GALM: variants seen among roughly 807,000 people sequenced by gnomAD.
GALM encodes aldose 1-epimerase.
In GALM, 43 loss-of-function variants were observed where a neutral mutation model predicts 37.4. That is an observed-to-expected ratio of 1.15 (90% CI 0.90 to 1.48). The LOEUF is 1.48. Among genes scored for constraint, GALM ranks in the 40% most tolerant of loss-of-function variants. The probability of loss-of-function intolerance (pLI) is 0.00; values close to 1 mark genes in which losing one functional copy is unlikely to be tolerated. For synonymous variants in GALM, 199 were observed against 170.6 expected (o/e 1.17, Z -1.30); for missense variants, 456 against 419.1 (o/e 1.09, Z -0.77).
chr2:38,708,467 C>G (rs993024016), intron 4 of GALM, among the ~76,000 whole-genome samples: 2 of 151,932 alleles, frequency 1.3e-5, no homozygotes, highest in Non-Finnish European at 2.9e-5. Flanking sequence ...GTCGCCTGGG[C>G]ACAGTGGCTC....
At chr2:38,695,362 C>T (rs10200935) in intron 4 of GALM, among the ~76,000 whole-genome samples, 145,019 of 152,314 alleles carry the variant, frequency 0.95, 69,102 homozygotes, top group East Asian at 1. Flanking sequence ...CTTACAGACA[C>T]AGTTAAAGAA....
intron 2 of GALM, among the ~76,000 whole-genome samples, chr2:38,680,365 T>G (rs1665367653): frequency 6.6e-6 from 1 of 152,202 alleles, no homozygotes; most frequent in Non-Finnish European, 1.5e-5. Flanking sequence ...ATACTTTTTT[T>G]TGCCAGTCTT....
At chr2:38,694,918 A>T (rs960961973) in intron 4 of GALM, among the ~76,000 whole-genome samples, 1 of 151,310 alleles carries the variant, frequency 6.6e-6, no homozygotes, top group Non-Finnish European at 1.5e-5. Flanking sequence ...AAAAACAAAA[A>T]AAGAAAGGGA....
At chr2:38,684,428 T>C (rs1189033986) in intron 3 of GALM, among the ~76,000 whole-genome samples, 1 of 151,980 alleles carries the variant, frequency 6.6e-6, no homozygotes, top group Non-Finnish European at 1.5e-5. Flanking sequence ...ATCCCAGCAC[T>C]TTGGAAGGCC....
chr2:38,686,324 G>A (rs1425418509), intron 3 of GALM, among the ~76,000 whole-genome samples: 1 of 137,742 alleles, frequency 7.3e-6, no homozygotes, highest in Non-Finnish European at 1.6e-5. Context: ...GGAGTGCAGT[G>A]GCGCGATCTT....
At chr2:38,719,831 C>T (rs533421207) in intron 4 of GALM, among the ~76,000 whole-genome samples, 1 of 151,530 alleles carries the variant, frequency 6.6e-6, no homozygotes, top group South Asian at 2.1e-4. Context: ...TTTAGTGACC[C>T]CCGAGGCTGA....
chr2:38,704,377 A>T (rs1558589271), intron 4 of GALM, among the ~76,000 whole-genome samples: 2 of 151,652 alleles, frequency 1.3e-5, no homozygotes, highest in African/African-American at 2.4e-5. Context: ...TTTAAAAAAT[A>T]TTTTTTTTGA....
chr2:38,702,932 T>TTA (rs202010853), intron 4 of GALM, among the ~76,000 whole-genome samples: 16,978 of 134,740 alleles, frequency 0.13, 1,194 homozygotes, highest in East Asian at 0.19. Flanking sequence ...TATATACTTT[T>TTA]TATATATATA....
rs373233987 is a variant in GALM at position 38,731,786 on chromosome 2, C to A, written c.828C>A (p.Pro276=). The change falls in exon 6 of 7, where the codon CCC becomes CCA. Residue 276 remains proline, a synonymous_variant. Coordinates refer to ENST00000272252, the MANE Select transcript of GALM (RefSeq NM_138801.3). The part of the protein sequence containing the change: ...GRVLEVYTTQ[P]GVQFYTGNFL... ...TACTAGAAGTATACACCACCCAGCCCGGGGTCCAGTTTTACACGGGCAACT... is the reference window on the plus strand; with the variant it reads ...TACTAGAAGTATACACCACCCAGCCAGGGGTCCAGTTTTACACGGGCAACT... 6.2e-7 allele frequency: 1 copy of A among 1,614,004 alleles called. No individual in the cohort carries two copies. The highest frequency in any genetic ancestry group is 8.5e-7 in the Non-Finnish European group (1 of 1,179,950).
chr2:38,666,929 T>C (rs1664954791), intron 1 of GALM, among the ~76,000 whole-genome samples: 1 of 152,150 alleles, frequency 6.6e-6, no homozygotes, highest in Non-Finnish European at 1.5e-5. Context: ...TCAGGTCTCC[T>C]ACCAACTAGG....
chr2:38,667,371 C>A (rs568063008), intron 1 of GALM, among the ~76,000 whole-genome samples: 1 of 143,230 alleles, frequency 7.0e-6, no homozygotes, highest in African/African-American at 2.5e-5. Flanking sequence ...TTGGCCAGAC[C>A]AGCCTGGCCA....
intron 4 of GALM, among the ~76,000 whole-genome samples, chr2:38,691,456 G>A (rs550981092): frequency 6.6e-6 from 1 of 152,104 alleles, no homozygotes; most frequent in South Asian, 2.1e-4. Flanking sequence ...GGCAGAGGAG[G>A]ATCACTTGAG....
At chr2:38,700,414 G>T (rs1369648532) in intron 4 of GALM, among the ~76,000 whole-genome samples, 3 of 152,134 alleles carry the variant, frequency 2.0e-5, no homozygotes, top group Non-Finnish European at 2.9e-5. Flanking sequence ...GGGCGCTCCA[G>T]TGTTGGGTGC....
intron 2 of GALM, among the ~76,000 whole-genome samples, chr2:38,680,341 A>C (rs1467562494): frequency 6.6e-6 from 1 of 152,242 alleles, no homozygotes; most frequent in East Asian, 1.9e-4. Flanking sequence ...AACTTTAAAA[A>C]TAAACTCTTC....
At chr2:38,703,201 AG>A (rs1338226494) in intron 4 of GALM, among the ~76,000 whole-genome samples, 1 of 136,002 alleles carries the variant, frequency 7.4e-6, no homozygotes, top group Admixed American at 7.9e-5. Context: ...TCTGCCTCCC[AG>A]GTTCAAGCGA....
intron 2 of GALM, among the ~76,000 whole-genome samples, chr2:38,679,111 C>T (rs1236105302): frequency 6.6e-6 from 1 of 152,144 alleles, no homozygotes; most frequent in Non-Finnish European, 1.5e-5. Context: ...CTCAACCTCC[C>T]GAGTAGCTGG....
intron 4 of GALM, among the ~76,000 whole-genome samples, chr2:38,716,473 A>G (rs945504379): frequency 6.6e-6 from 1 of 152,246 alleles, no homozygotes; most frequent in African/African-American, 2.4e-5. Flanking sequence ...GAATGGCACT[A>G]TAAGTAGAAC....
At chr2:38,691,543 G>A (rs1665671254) in intron 4 of GALM, among the ~76,000 whole-genome samples, 1 of 151,720 alleles carries the variant, frequency 6.6e-6, no homozygotes, top group African/African-American at 2.4e-5. Context: ...AAATAGCCAG[G>A]TGTGGTAACA....
chr2:38,718,652 C>G (rs1029171062), intron 4 of GALM, among the ~76,000 whole-genome samples: 1 of 151,604 alleles, frequency 6.6e-6, no homozygotes, highest in African/African-American at 2.4e-5. Flanking sequence ...ACAGGATGGA[C>G]CTGTGCTGAG....
Sources: gnomAD v4.1 joint callset for allele counts (sites outside exome capture counted in the v4.1 genomes callset) on GRCh38, gnomAD v4.1.1 for gene constraint, MANE v1.5 for transcripts, NCBI Gene and HGNC (gene_info 2026-07-23, HGNC 2026-07-21) for gene names.